Variants in KDM4A observed in about 807,000 individuals in gnomAD.
KDM4A encodes lysine demethylase 4A.
Under a neutral mutation model 127.1 loss-of-function variants are expected in KDM4A, and 23 were observed. The ratio of observed to expected loss-of-function variants is 0.18; its 90% confidence interval spans 0.13 to 0.26. KDM4A has a LOEUF of 0.26. Ranked by LOEUF, KDM4A falls within the 10% of genes least tolerant of loss-of-function variation. The pLI, the probability that KDM4A is intolerant of heterozygous loss-of-function variation, is 1.00. For missense variants in KDM4A, 890 were observed against 1,329.1 expected (o/e 0.67, Z 5.14); for synonymous variants, 443 against 466.5 (o/e 0.95, Z 0.65).
At chr1:43,691,621 ATT>A in intron 15 of KDM4A, 49 bp downstream of exon 15, 1 of 1,500,798 alleles carries the variant, frequency 6.7e-7, no homozygotes, top group Non-Finnish European at 9.3e-7. Context: ...CTTGGTGCAT[ATT>A]CAGGGCCAGA....
At chr1:43,691,634 C>T (rs371923649) in intron 15 of KDM4A, 62 bp downstream of exon 15, 45 of 1,409,522 alleles carry the variant, frequency 3.2e-5, no homozygotes, top group African/African-American at 9.9e-5. Context: ...CAGGGCCAGA[C>T]GATTTCATGT....
chr1:43,689,655 G>T (rs1369904788), intron 13 of KDM4A, among the ~76,000 whole-genome samples: 1 of 152,192 alleles, frequency 6.6e-6, no homozygotes, highest in Non-Finnish European at 1.5e-5. Flanking sequence ...TTCATTGGTG[G>T]ATCTCTTTGG....
intron 3 of KDM4A, among the ~76,000 whole-genome samples, chr1:43,658,212 G>T (rs1267476975): frequency 6.6e-6 from 1 of 151,512 alleles, no homozygotes. Context: ...TGGGATTACA[G>T]GTGCCCACCA....
intron 3 of KDM4A, among the ~76,000 whole-genome samples, chr1:43,656,012 T>C (rs1660228224): frequency 6.6e-6 from 1 of 152,190 alleles, no homozygotes; most frequent in African/African-American, 2.4e-5. Context: ...AGTAGAATCA[T>C]TTTCTGACTC....
intron 11 of KDM4A, 27 bp downstream of exon 11, chr1:43,671,902 G>A (rs1196030703): frequency 5.9e-6 from 9 of 1,522,598 alleles, no homozygotes; most frequent in South Asian, 2.6e-5. Context: ...GTGGTGTGGG[G>A]TGGGGAGCTG....
At chr1:43,654,326 T>A (rs613976) in intron 2 of KDM4A, among the ~76,000 whole-genome samples, 68,726 of 152,138 alleles carry the variant, frequency 0.45, 15,794 homozygotes, top group Middle Eastern at 0.52. Context: ...TTAAGTGGTA[T>A]TAGCTCCCTC....
chr1:43,683,900 G>A (rs577026952), intron 12 of KDM4A, 96 bp downstream of exon 12: 1 of 1,422,874 alleles, frequency 7.0e-7, no homozygotes, highest in East Asian at 2.3e-5. Context: ...GGATAAGGGT[G>A]GGCCTGTGGC....
At chr1:43,698,097 T>G in intron 19 of KDM4A, 84 bp downstream of exon 19, 1 of 1,323,252 alleles carries the variant, frequency 7.6e-7, no homozygotes, top group African/African-American at 1.5e-5. Flanking sequence ...TGTGTATGCC[T>G]GCTTCTTCTA....
rs963612416 is a variant in KDM4A at position 43,698,011 on chromosome 1, G to C, written c.2839G>C (p.Val947Leu). ...FSDNLYPEDI[V>L]SQDCLQFGPP... is the part of the protein sequence containing the mutation. Reference sequence around the variant, plus strand: ...CGACAATCTTTATCCTGAGGACATAGTGGTAATATCTGCAAGGAGCTTCTC... The same window carrying C: ...CGACAATCTTTATCCTGAGGACATACTGGTAATATCTGCAAGGAGCTTCTC... The change falls in exon 19 of 22, where the codon GTG (valine) becomes CTG (leucine). Residue 947 changes from valine (V) to leucine (L), a missense_variant and splice_region_variant. Val to Leu is a conservative substitution (Grantham distance 32, BLOSUM62 1). Coordinates refer to ENST00000372396, the MANE Select transcript of KDM4A (RefSeq NM_014663.3). The C allele has an allele frequency of 6.2e-7, 1 of 1,612,850 alleles. No individual in the cohort carries two copies. Among genetic ancestry groups the C allele is most frequent in the Non-Finnish European group, 8.5e-7 (1 of 1,179,536 alleles).
chr1:43,705,483 C>T lies in KDM4A; in HGVS notation c.*1113C>T, dbSNP rs1337901120. On this transcript the variant is annotated 3_prime_UTR_variant, in exon 22 of 22. Transcript: ENST00000372396. ...AATTATTTTGAAAACTGGTGCATCA[C>T]CTTGTCCTTAGCAATAAAATGTGTT... 2 of 152,668 alleles carry T rather than the reference C, an allele frequency of 1.3e-5. No homozygotes were observed. Among genetic ancestry groups the T allele is most frequent in the African/African-American group, 4.8e-5 (2 of 41,446 alleles). The allele number at this position is 152,668 out of a possible 1,614,324, so 9.5% of individuals were successfully genotyped here.
intron 11 of KDM4A, among the ~76,000 whole-genome samples, chr1:43,673,406 A>G (rs1660670845): frequency 6.6e-6 from 1 of 152,162 alleles, no homozygotes; most frequent in African/African-American, 2.4e-5. Context: ...TATGATTAAC[A>G]TTTGGCACAT....
chr1:43,653,297 G>A lies in KDM4A; in HGVS notation c.122G>A (p.Arg41Gln), dbSNP rs745322540. The change falls in exon 2 of 22, where the codon CGG becomes CAG. Residue 41 changes from arginine to glutamine, a missense_variant. This residue lies in a region of KDM4A where 29 missense variants were observed against 64.3 expected (regional missense o/e 0.45). Coordinates refer to ENST00000372396, the MANE Select transcript of KDM4A (RefSeq NM_014663.3). ...IAYIESQGAH[R>Q]AGLAKVVPPK... is the part of the protein sequence containing the mutation. The stretch of plus-strand genomic sequence containing the variant: ...TACATTGAATCCCAAGGAGCTCATC[G>A]GGCAGGGCTAGCCAAGGTAAGGAGC... The A allele has an allele frequency of 9.3e-6, 15 of 1,612,418 alleles. No individual in the cohort carries two copies. The highest frequency in any genetic ancestry group is 1.2e-5 in the Non-Finnish European group (14 of 1,179,144).
chr1:43,689,571 G>A (rs1341084923), intron 13 of KDM4A, among the ~76,000 whole-genome samples: 3 of 152,232 alleles, frequency 2.0e-5, no homozygotes, highest in African/African-American at 4.8e-5. Flanking sequence ...GCAAGGGCCT[G>A]ATATGTGAGG....
At chr1:43,671,948 G>T in intron 11 of KDM4A, 73 bp downstream of exon 11, 7 of 1,470,488 alleles carry the variant, frequency 4.8e-6, no homozygotes, top group East Asian at 2.4e-5. Context: ...GGATCTGTGT[G>T]GGGGAGGGAG....
intron 11 of KDM4A, 147 bp from the exon 12 acceptor site, chr1:43,683,537 T>C (rs1660903574): frequency 2.1e-6 from 2 of 958,616 alleles, no homozygotes; most frequent in Non-Finnish European, 3.0e-6. Flanking sequence ...CATTTGGCTT[T>C]TTCTAAGATA....
At chr1:43,687,513 G>C (rs547312279) in intron 12 of KDM4A, among the ~76,000 whole-genome samples, 1 of 152,228 alleles carries the variant, frequency 6.6e-6, no homozygotes, top group East Asian at 1.9e-4. Flanking sequence ...TCTCCTGTCA[G>C]GGGCCGCATA....
At chr1:43,703,836 A>T in intron 20 of KDM4A, 100 bp downstream of exon 20, 1 of 1,515,364 alleles carries the variant, frequency 6.6e-7, no homozygotes, top group Non-Finnish European at 9.0e-7. Context: ...GAGAACTAAT[A>T]GGTTGGTAAC....
chr1:43,694,081 C>A lies in KDM4A; in HGVS notation c.2463C>A (p.Ile821=). 1 of 1,613,800 alleles carries A rather than the reference C, an allele frequency of 6.2e-7. No individual in the cohort carries two copies. Among genetic ancestry groups the A allele is most frequent in the Non-Finnish European group, 8.5e-7 (1 of 1,179,646 alleles). Residue 821 remains isoleucine, a synonymous_variant, in exon 17 of 22, where the codon ATC becomes ATA. Transcript: ENST00000372396. This position sits in a 1 kb window ranked among gnomAD's most constrained non-coding sequence, Gnocchi z 5.2. ...AERSPVDVSK[I]PLPRFKLKCI... ...GAAGTCCGGTGGATGTGAGCAAAAT[C>A]CCCCTGCCCCGCTTCAAACTGGTAA...
chr1:43,698,109 C>A, intron 19 of KDM4A, 96 bp downstream of exon 19: 1 of 1,213,302 alleles, frequency 8.2e-7, no homozygotes, highest in Non-Finnish European at 1.2e-6. Flanking sequence ...CTTCTTCTAG[C>A]CAGGTCCCTG....
Sources: gnomAD v4.1 joint callset for allele counts (sites outside exome capture counted in the v4.1 genomes callset) on GRCh38, gnomAD v4.1.1 for gene constraint, gnomAD v4.1.1 regional missense constraint, Gnocchi (gnomAD v3.1) non-coding constraint, MANE v1.5 for transcripts, NCBI Gene and HGNC (gene_info 2026-07-23, HGNC 2026-07-21) for gene names.